The following FBXW11 variants were observed in gnomAD, a reference collection of about 807,000 sequenced individuals.
FBXW11 encodes the protein F-box/WD repeat-containing protein 11.
FBXW11 carries 19 observed loss-of-function variants against 77.6 expected under a neutral mutation model. The observed-to-expected ratio is 0.24, with a 90% CI of 0.17 to 0.36. The LOEUF is 0.36. Among genes scored for constraint, FBXW11 ranks in the 10% least tolerant of loss-of-function variants. The probability of loss-of-function intolerance (pLI) is 1.00; values close to 1 mark genes in which losing one functional copy is unlikely to be tolerated. For synonymous variants in FBXW11, 235 were observed against 249.4 expected (o/e 0.94, Z 0.54); for missense variants, 334 against 704.2 (o/e 0.47, Z 5.95).
At chr5:171,994,116 T>C (rs1581092460) in intron 1 of FBXW11, among the ~76,000 whole-genome samples, 2 of 152,378 alleles carry the variant, frequency 1.3e-5, no homozygotes, top group South Asian at 2.1e-4. Context: ...TTTGCAATGA[T>C]TTCTTGAAAT....
At chr5:171,903,792 T>C (rs899320840) in intron 4 of FBXW11, among the ~76,000 whole-genome samples, 5 of 151,952 alleles carry the variant, frequency 3.3e-5, no homozygotes, top group African/African-American at 1.2e-4. Flanking sequence ...ACTACAAGTA[T>C]GCACTACCAT....
chr5:171,967,247 A>G (rs1471830018), intron 1 of FBXW11, among the ~76,000 whole-genome samples: 4 of 152,234 alleles, frequency 2.6e-5, no homozygotes, highest in Non-Finnish European at 5.9e-5. Context: ...AAGGAGACAA[A>G]ATAAAGAAAT....
rs920641896 is a variant in FBXW11, at chr5:172,006,188, G to T, written c.45+270C>A. On this transcript the variant is annotated intron_variant, in intron 1 of 13. Coordinates refer to ENST00000517395, the MANE Select transcript of FBXW11 (RefSeq NM_001378974.1). ...ACCTAAGTCTACAGCATAAACGAGC[G>T]AGGGTCGTCCGAGAGCTGGGACCGG... Among the ~76,000 whole-genome samples, 120 of 152,226 alleles carry T rather than the reference G, an allele frequency of 7.9e-4. 7 individuals carry two copies.
At chr5:171,882,755 A>C (rs1469246696) in intron 7 of FBXW11, among the ~76,000 whole-genome samples, 1 of 151,778 alleles carries the variant, frequency 6.6e-6, no homozygotes, top group African/African-American at 2.4e-5. Context: ...ATGATTGGAC[A>C]TTGTATTAAT....
intron 2 of FBXW11, among the ~76,000 whole-genome samples, chr5:171,938,454 C>A (rs1762586349): frequency 6.6e-6 from 1 of 152,202 alleles, no homozygotes; most frequent in African/African-American, 2.4e-5. Context: ...ATTAAAGCTA[C>A]ACATTTCTCA....
chr5:171,963,656 G>A lies in FBXW11; in HGVS notation c.46-5958C>T, dbSNP rs114410135. Among the ~76,000 whole-genome samples, 567 of 152,284 alleles carry A rather than the reference G, an allele frequency of 3.7e-3. 3 individuals are homozygous for A. Among genetic ancestry groups the A allele is most frequent in the African/African-American group, 0.013 (543 of 41,536 alleles). ...TATCTGTCAGAGAGGAATAGAAACA[G>A]ATCATGCAACACAGAGATGGAGGTG... On this transcript the variant is annotated intron_variant, in intron 1 of 13. Transcript: ENST00000517395.
At chr5:171,991,311 G>C (rs78364255) in intron 1 of FBXW11, among the ~76,000 whole-genome samples, 2,632 of 152,192 alleles carry the variant, frequency 0.017, 72 homozygotes, top group African/African-American at 0.061. Context: ...GGTGAAAATA[G>C]CATACGACAA....
chr5:171,881,882 A>T (rs1758532453), intron 7 of FBXW11, among the ~76,000 whole-genome samples: 1 of 152,190 alleles, frequency 6.6e-6, no homozygotes, highest in African/African-American at 2.4e-5. Flanking sequence ...ATATTATTTT[A>T]TTATTCATTT....
At chr5:171,933,982 T>C (rs1254611798) in intron 2 of FBXW11, among the ~76,000 whole-genome samples, 2 of 152,214 alleles carry the variant, frequency 1.3e-5, no homozygotes. Flanking sequence ...TAACTAAGGT[T>C]CTGTGAGATC....
chr5:171,866,532 A>T (rs1389606186), intron 13 of FBXW11, among the ~76,000 whole-genome samples: 4 of 152,216 alleles, frequency 2.6e-5, no homozygotes, highest in Non-Finnish European at 4.4e-5. Context: ...TTTCTACCAC[A>T]GCCAATAAGA....
chr5:171,893,444 A>AAAAAAAAAAAAAC (rs1759521879), intron 6 of FBXW11, among the ~76,000 whole-genome samples: 1 of 149,530 alleles, frequency 6.7e-6, no homozygotes, highest in African/African-American at 2.5e-5. Context: ...AAAAAAAAAA[A>AAAAAAAAAAAAAC]AAACTAACCC....
At chr5:171,965,175 T>C (rs753880585) in intron 1 of FBXW11, among the ~76,000 whole-genome samples, 1 of 152,212 alleles carries the variant, frequency 6.6e-6, no homozygotes, top group Admixed American at 6.5e-5. Flanking sequence ...TAAACACCAC[T>C]ATAATTTTTT....
chr5:171,967,075 G>A (rs1047394192), intron 1 of FBXW11, among the ~76,000 whole-genome samples: 1 of 152,158 alleles, frequency 6.6e-6, no homozygotes, highest in Admixed American at 6.5e-5. Flanking sequence ...ACTCCGTAGA[G>A]CAGCAAGTTT....
chr5:171,958,339 A>G (rs1244336158), intron 1 of FBXW11, among the ~76,000 whole-genome samples: 1 of 152,190 alleles, frequency 6.6e-6, no homozygotes, highest in Admixed American at 6.5e-5. Flanking sequence ...TCATGTGAGT[A>G]AAGTTTTGCA....
At chr5:171,982,750 A>C (rs559301405) in intron 1 of FBXW11, among the ~76,000 whole-genome samples, 8 of 152,066 alleles carry the variant, frequency 5.3e-5, no homozygotes, top group Non-Finnish European at 1.2e-4. Flanking sequence ...GTTTTGTTAT[A>C]ATGTTAGGTA....
chr5:171,868,904 C>A, intron 12 of FBXW11, 108 bp from the exon 13 acceptor site: 21 of 906,832 alleles, frequency 2.3e-5, no homozygotes, highest in Non-Finnish European at 3.5e-5. Flanking sequence ...AACAGACTTC[C>A]TAAACGACTG....
Position 171,948,149 on chromosome 5 carries a change from C to T in FBXW11, c.147+9448G>A, listed in dbSNP as rs560578837. Among the ~76,000 whole-genome samples, 56 of 148,672 alleles carry T rather than the reference C, an allele frequency of 3.8e-4. No individual in the cohort carries two copies. In the South Asian group the frequency reaches 0.011, roughly 29 times the overall value. ...ACTAGGGAGGCTGAGGCAGGAGAAT[C>T]GCTTGAATCCGGGAGGCAGAGGTTG... On this transcript the variant is annotated intron_variant, in intron 2 of 13. Transcript: ENST00000517395.
At chr5:171,995,902 GC>G (rs2113584906) in intron 1 of FBXW11, among the ~76,000 whole-genome samples, 1 of 152,266 alleles carries the variant, frequency 6.6e-6, no homozygotes, top group Admixed American at 6.5e-5. Flanking sequence ...ACAAACTTCA[GC>G]AAGTGTAGTA....
At chr5:171,923,909 CTTTTTTTTTTTTTTTTTTT>C (rs70982354) in intron 2 of FBXW11, among the ~76,000 whole-genome samples, 4 of 49,194 alleles carry the variant, frequency 8.1e-5, no homozygotes, top group East Asian at 1.6e-3. Context: ...GAAACCCCAC[CTTTTTTTTTTTTTTTTTTT>C]TTTTTTTTTT....
Sources: allele counts gnomAD v4.1 joint callset (sites outside exome capture counted in the v4.1 genomes callset), GRCh38; gene constraint gnomAD v4.1.1; transcripts MANE v1.5; gene names NCBI Gene and HGNC (gene_info 2026-07-23, HGNC 2026-07-21).